Variants in HIPK3 observed in about 807,000 individuals in gnomAD.
HIPK3 encodes homeodomain interacting protein kinase 3.
HIPK3 carries 47 observed loss-of-function variants against 124.2 expected under a neutral mutation model. The ratio of observed to expected loss-of-function variants is 0.38; its 90% CI spans 0.30 to 0.48. HIPK3 has a LOEUF of 0.48. Among genes scored for constraint, HIPK3 ranks in the 20% least tolerant of loss-of-function variants. The pLI is 0.98. For synonymous variants in HIPK3, 482 were observed against 515.2 expected (o/e 0.94, Z 0.87); for missense variants, 1,286 against 1,454.3 (o/e 0.88, Z 1.88).
At position 33,341,551 on chromosome 11, in the gene HIPK3, T is replaced by C; in HGVS notation, c.1774-12T>C. Reference sequence around the variant, plus strand: ...TAGAAGACTGCTCTATATAATGTGCTCGTTGTTTCAGGCATTGACCACATC... The same window carrying C: ...TAGAAGACTGCTCTATATAATGTGCCCGTTGTTTCAGGCATTGACCACATC... On this transcript the variant is annotated splice_polypyrimidine_tract_variant and intron_variant, in intron 7 of 16. Coordinates refer to ENST00000303296, the MANE Select transcript of HIPK3 (RefSeq NM_005734.5). The C allele has an allele frequency of 6.2e-7, 1 of 1,603,854 alleles. No individual in the cohort carries two copies. The highest frequency in any genetic ancestry group is 8.5e-7 in the Non-Finnish European group (1 of 1,175,804).
chr11:33,311,709 T>C (rs1852342384), intron 2 of HIPK3, among the ~76,000 whole-genome samples: 1 of 152,034 alleles, frequency 6.6e-6, no homozygotes, highest in East Asian at 1.9e-4. Context: ...TTTTTGTTTT[T>C]AAAGAGTTGA....
At chr11:33,267,990 C>T (rs1285134230) in intron 1 of HIPK3, among the ~76,000 whole-genome samples, 2 of 151,990 alleles carry the variant, frequency 1.3e-5, no homozygotes, top group Admixed American at 6.6e-5. Context: ...GCCGGCAGAC[C>T]ACCTGAGCTC....
intron 3 of HIPK3, among the ~76,000 whole-genome samples, chr11:33,336,748 C>G (rs1035568939): frequency 6.6e-6 from 1 of 152,186 alleles, no homozygotes; most frequent in Non-Finnish European, 1.5e-5. Context: ...TTTACACATA[C>G]TATAACCTTG....
chr11:33,338,290 G>A (rs750243027), intron 4 of HIPK3, among the ~76,000 whole-genome samples: 1 of 152,098 alleles, frequency 6.6e-6, no homozygotes, highest in African/African-American at 2.4e-5. Flanking sequence ...CTGGAGTGCA[G>A]TGGCGCGATC....
intron 1 of HIPK3, among the ~76,000 whole-genome samples, chr11:33,270,395 G>A (rs1361916157): frequency 1.3e-5 from 2 of 151,826 alleles, no homozygotes; most frequent in Admixed American, 1.3e-4. Context: ...TGCAACTTCC[G>A]CCTCCTGGGT....
intron 2 of HIPK3, among the ~76,000 whole-genome samples, chr11:33,291,770 G>C (rs985054270): frequency 1.3e-5 from 2 of 151,930 alleles, no homozygotes; most frequent in African/African-American, 4.8e-5. Flanking sequence ...TTTAGCCTGC[G>C]ATTCTAAGTC....
At chr11:33,334,002 A>G (rs1853064477) in intron 3 of HIPK3, among the ~76,000 whole-genome samples, 1 of 152,124 alleles carries the variant, frequency 6.6e-6, no homozygotes, top group Non-Finnish European at 1.5e-5. Flanking sequence ...CTGTTTCCTT[A>G]AAATAAGGAA....
chr11:33,266,919 A>G (rs1365126789), intron 1 of HIPK3, among the ~76,000 whole-genome samples: 1 of 152,130 alleles, frequency 6.6e-6, no homozygotes, highest in Non-Finnish European at 1.5e-5. Context: ...TATTTCTCAG[A>G]TGTGGCTAGT....
chr11:33,260,848 A>G (rs1277659309), intron 1 of HIPK3, among the ~76,000 whole-genome samples: 2 of 152,114 alleles, frequency 1.3e-5, no homozygotes, highest in Non-Finnish European at 2.9e-5. Flanking sequence ...TTCGTGTTGT[A>G]GCTGTCCTGG....
In HIPK3 at chr11:33,267,485, A is replaced by ATAT. The variant is rs1022925339; in HGVS notation, c.-3+9613_-3+9615dup. ...TACTTGAAACCACTACACAAAAGGAATATTATTATTATTATTATTTTTTTT... is the reference window on the plus strand; with the variant it reads ...TACTTGAAACCACTACACAAAAGGAATATTATTATTATTATTATTATTTTTTTT... On this transcript the variant is annotated intron_variant, in intron 1 of 16. Coordinates refer to ENST00000303296, the MANE Select transcript of HIPK3 (RefSeq NM_005734.5). 1.8e-4 allele frequency among the ~76,000 whole-genome samples: 27 copies of ATAT among 149,630 alleles called. No individual in the cohort carries two copies. The East Asian group carries it at 3.8e-3, about 21-fold the overall frequency.
chr11:33,311,580 C>G (rs1852337500), intron 2 of HIPK3, among the ~76,000 whole-genome samples: 1 of 152,138 alleles, frequency 6.6e-6, no homozygotes, highest in African/African-American at 2.4e-5. Context: ...CCCCCTGCCT[C>G]TGTACACATA....
At chr11:33,276,853 C>T (rs999544146) in intron 1 of HIPK3, among the ~76,000 whole-genome samples, 1 of 151,952 alleles carries the variant, frequency 6.6e-6, no homozygotes, top group Non-Finnish European at 1.5e-5. Context: ...TACAGGTGTG[C>T]ACCACTACAC....
Position 33,328,496 on chromosome 11 carries a change from A to T in HIPK3, c.1098-14A>T, listed in dbSNP as rs1308280074. The T allele has an allele frequency of 4.4e-6, 7 of 1,605,032 alleles. No individual in the cohort carries two copies. Among genetic ancestry groups the T allele is most frequent in the African/African-American group, 4.0e-5 (3 of 74,558 alleles). Reference sequence around the variant, plus strand: ...AAAAACCACCCTGATTTTTGTTTTAATTTTAAATTTCAGAGCTCCAGAGAT... The same window carrying T: ...AAAAACCACCCTGATTTTTGTTTTATTTTTAAATTTCAGAGCTCCAGAGAT... On this transcript the variant is annotated splice_polypyrimidine_tract_variant and intron_variant, in intron 2 of 16. Coordinates refer to ENST00000303296, the MANE Select transcript of HIPK3 (RefSeq NM_005734.5).
At chr11:33,341,193 A>T in intron 7 of HIPK3, 66 bp downstream of exon 7, 2 of 1,186,142 alleles carry the variant, frequency 1.7e-6, no homozygotes, top group Non-Finnish European at 2.4e-6. Context: ...TACTTTTGAT[A>T]TATACAGAAG....
intron 2 of HIPK3, among the ~76,000 whole-genome samples, chr11:33,300,349 A>C (rs1851963155): frequency 7.1e-6 from 1 of 140,394 alleles, no homozygotes; most frequent in African/African-American, 2.7e-5. Flanking sequence ...ACTCCATCGC[A>C]AAAAAAAAAA....
At chr11:33,294,686 T>C in intron 2 of HIPK3, among the ~76,000 whole-genome samples, 1 of 152,152 alleles carries the variant, frequency 6.6e-6, no homozygotes, top group East Asian at 1.9e-4. Flanking sequence ...CTCACTGCAG[T>C]GTCAGACTCC....
In HIPK3 at chr11:33,356,404, T is replaced by C. The variant is rs1435885456; in HGVS notation, c.*2836T>C. 2 of 152,070 alleles carry C rather than the reference T, an allele frequency of 1.3e-5. No individual in the cohort carries two copies. Among genetic ancestry groups the C allele is most frequent in the East Asian group, 1.9e-4 (1 of 5,204 alleles). The allele number at this position is 152,070 out of a possible 1,614,324, so 9.4% of individuals were successfully genotyped here. A position where few individuals can be genotyped will look rare whatever the true frequency, so the allele number is the denominator to read the frequency against. On this transcript the variant is annotated 3_prime_UTR_variant, in exon 17 of 17. Coordinates refer to ENST00000303296, the MANE Select transcript of HIPK3 (RefSeq NM_005734.5). ...CATTTTGACCAGTTTTCTTCGGTTTTAATGCTTTCTTAAATAAAACACTGC... is the reference window on the plus strand; with the variant it reads ...CATTTTGACCAGTTTTCTTCGGTTTCAATGCTTTCTTAAATAAAACACTGC...
rs548258344 is a variant in HIPK3, at chr11:33,313,602, T to C, written c.1098-14908T>C. Reference sequence around the variant, plus strand: ...TTGAGGGGTATTATCAGAATTGTGCTATTTTTTGCAACTTTTCTGTAAGTC... The same window carrying C: ...TTGAGGGGTATTATCAGAATTGTGCCATTTTTTGCAACTTTTCTGTAAGTC... On this transcript the variant is annotated intron_variant, in intron 2 of 16. Coordinates refer to ENST00000303296, the MANE Select transcript of HIPK3 (RefSeq NM_005734.5). Among the ~76,000 whole-genome samples the C allele has an allele frequency of 3.6e-3, 554 of 152,290 alleles. 3 individuals carry two copies. The highest frequency in any genetic ancestry group is 0.013 in the African/African-American group (534 of 41,566).
intron 3 of HIPK3, among the ~76,000 whole-genome samples, chr11:33,329,715 TC>T (rs1852916808): frequency 6.6e-6 from 1 of 152,170 alleles, no homozygotes; most frequent in Non-Finnish European, 1.5e-5. Flanking sequence ...TGTAAAATTT[TC>T]CATACATCCT....
Sources: gnomAD v4.1 joint callset for allele counts (sites outside exome capture counted in the v4.1 genomes callset) on GRCh38, gnomAD v4.1.1 for gene constraint, MANE v1.5 for transcripts, NCBI Gene and HGNC (gene_info 2026-07-23, HGNC 2026-07-21) for gene names.